Variants in TESK2 observed in about 807,000 individuals in gnomAD.
The protein encoded by TESK2 is testis associated actin remodelling kinase 2.
In TESK2, 39 loss-of-function variants were observed where a neutral mutation model predicts 57.1. That is an observed-to-expected ratio of 0.68 (90% CI 0.53 to 0.89). The LOEUF (loss-of-function observed/expected upper bound fraction) is 0.89, where lower values mean the gene tolerates loss of function less well. Among genes scored for constraint, TESK2 ranks in the 40% least tolerant of loss-of-function variants. The probability of loss-of-function intolerance (pLI) is 0.00; values close to 1 mark genes in which losing one functional copy is unlikely to be tolerated. For missense variants in TESK2, 646 were observed against 732.1 expected, an observed-to-expected ratio of 0.88 and a Z score of 1.36; for synonymous variants, 249 against 267.9, an observed-to-expected ratio of 0.93 and a Z score of 0.69.
chr1:45,478,864 C>A (rs1314839576), intron 1 of TESK2, among the ~76,000 whole-genome samples: 2 of 151,990 alleles, frequency 1.3e-5, no homozygotes, highest in Non-Finnish European at 2.9e-5. Flanking sequence ...GCTAGGATTA[C>A]AGATGCACAC....
intron 1 of TESK2, among the ~76,000 whole-genome samples, chr1:45,474,692 C>A (rs1257825074): frequency 1.3e-5 from 2 of 150,002 alleles, no homozygotes; most frequent in Non-Finnish European, 3.0e-5. Flanking sequence ...AGGCTAGTCT[C>A]GAACTCCTGA....
At position 45,367,753 on chromosome 1, in the gene TESK2, G is replaced by T. The variant is rs1327998942; in HGVS notation, c.394-12304C>A. The stretch of plus-strand genomic sequence containing the variant: ...GCTCACTGCAACCTCTGCCTCCCAG[G>T]TTCAAGCAATTCTCCTGCCTCAGCC... On this transcript the variant is annotated intron_variant, in intron 4 of 10. Transcript: ENST00000372086. 2.7e-5 allele frequency among the ~76,000 whole-genome samples: 4 copies of T among 150,410 alleles called. No individual in the cohort carries two copies. In the East Asian group the frequency reaches 7.8e-4, roughly 29 times the overall value.
intron 1 of TESK2, among the ~76,000 whole-genome samples, chr1:45,482,345 T>C (rs760302408): frequency 7.9e-5 from 12 of 151,826 alleles, no homozygotes; most frequent in African/African-American, 1.2e-4. Context: ...CACGGTAACA[T>C]AGTGAGACCA....
At position 45,347,613 on chromosome 1, in the gene TESK2, T is replaced by C; in HGVS notation, c.704A>G (p.Glu235Gly). Reference protein sequence around the residue: ...PEVLRDEPYNEKADVFSYGII... With the variant: ...PEVLRDEPYNGKADVFSYGII... ...CTTGAGATCCTCCAAACTTACCTTT[T>C]CATTATAGGGCTCATCTCGGAGAAC... is the stretch of plus-strand genomic sequence containing the variant. The change falls in exon 7 of 11, where the codon GAA (glutamate) becomes GGA (glycine). Residue 235 changes from glutamate (E) to glycine (G), a missense_variant. Transcript: ENST00000372086. 1 of 1,613,470 alleles carries C rather than the reference T, an allele frequency of 6.2e-7. No homozygotes were observed. The highest frequency in any genetic ancestry group is 1.1e-5 in the South Asian group (1 of 90,938).
intron 1 of TESK2, among the ~76,000 whole-genome samples, chr1:45,474,766 C>T (rs1652915502): frequency 6.6e-6 from 1 of 151,272 alleles, no homozygotes; most frequent in Non-Finnish European, 1.5e-5. Context: ...GTGTGAGCCA[C>T]CACACCTGGC....
chr1:45,394,186 T>C lies in TESK2; in HGVS notation c.345-8226A>G, dbSNP rs149997999. Among the ~76,000 whole-genome samples, 89 of 151,956 alleles carry C rather than the reference T, an allele frequency of 5.9e-4. No homozygotes were observed. The East Asian group carries it at 0.014, about 23-fold the overall frequency. On this transcript the variant is annotated intron_variant, in intron 3 of 10. Coordinates refer to ENST00000372086, the MANE Select transcript of TESK2 (RefSeq NM_007170.3). The stretch of plus-strand genomic sequence containing the variant: ...GACAAGGTCTTGCTCTGTCGCCCAG[T>C]CTGGAGTGCGGTGGCACAGTGCAAT...
intron 1 of TESK2, among the ~76,000 whole-genome samples, chr1:45,464,536 T>C (rs1570757056): frequency 1.3e-5 from 2 of 152,352 alleles, no homozygotes. Context: ...TGGGATTACC[T>C]TCCTGATTTC....
At chr1:45,443,962 T>C (rs1651549419) in intron 2 of TESK2, among the ~76,000 whole-genome samples, 1 of 152,114 alleles carries the variant, frequency 6.6e-6, no homozygotes. Context: ...GAGGATTGCT[T>C]GAGGCAGGAG....
chr1:45,407,582 T>C (rs1035902738), intron 3 of TESK2, among the ~76,000 whole-genome samples: 9 of 152,158 alleles, frequency 5.9e-5, no homozygotes, highest in African/African-American at 4.8e-5. Flanking sequence ...AATTGAATCA[T>C]GGGGACAGGT....
intron 3 of TESK2, among the ~76,000 whole-genome samples, chr1:45,388,088 C>A (rs1648975807): frequency 6.6e-6 from 1 of 152,012 alleles, no homozygotes; most frequent in Non-Finnish European, 1.5e-5. Flanking sequence ...TCATACAACT[C>A]CCCAATCACT....
chr1:45,472,922 G>A (rs1200960030), intron 1 of TESK2, among the ~76,000 whole-genome samples: 1 of 149,944 alleles, frequency 6.7e-6, no homozygotes, highest in Non-Finnish European at 1.5e-5. Context: ...CGGATCACAA[G>A]GTCAGGAGAT....
At chr1:45,466,528 A>G (rs1262040012) in intron 1 of TESK2, among the ~76,000 whole-genome samples, 2 of 151,992 alleles carry the variant, frequency 1.3e-5, no homozygotes, top group Non-Finnish European at 2.9e-5. Flanking sequence ...ATGCGCCTGT[A>G]GTCCCAGCTA....
chr1:45,437,745 T>G (rs1651290242), intron 2 of TESK2, among the ~76,000 whole-genome samples: 1 of 152,210 alleles, frequency 6.6e-6, no homozygotes, highest in Admixed American at 6.6e-5. Context: ...TTGAGAGTTT[T>G]TATCATAAAG....
chr1:45,475,738 A>G (rs1374250133), intron 1 of TESK2, among the ~76,000 whole-genome samples: 2 of 152,154 alleles, frequency 1.3e-5, no homozygotes, highest in South Asian at 2.1e-4. Context: ...CCCACCCTCA[A>G]TCTGGGTGGG....
chr1:45,386,107 G>A, intron 3 of TESK2, 147 bp from the exon 4 acceptor site: 1 of 542,646 alleles, frequency 1.8e-6, no homozygotes, highest in South Asian at 2.2e-5. Context: ...CACTTTAGGA[G>A]GCAGAGGTGT....
intron 2 of TESK2, among the ~76,000 whole-genome samples, chr1:45,438,726 CTA>C (rs1365887254): frequency 6.6e-6 from 1 of 152,124 alleles, no homozygotes; most frequent in African/African-American, 2.4e-5. Flanking sequence ...TTCTTCCCCT[CTA>C]TGTGTCCATG....
chr1:45,355,357 C>A lies in TESK2; in HGVS notation c.486G>T (p.Val162=). ...CTTTGAAGTGAAGGTAGCTGAGGCC[C>A]ACTGCTATGTCATAGGCCAGTTTTA... ...VRVKLAYDIA[V]GLSYLHFKGI... Residue 162 remains valine, a synonymous_variant, in exon 5 of 11, where the codon GTG becomes GTT. Coordinates refer to ENST00000372086, the MANE Select transcript of TESK2 (RefSeq NM_007170.3). 1.2e-6 allele frequency: 2 copies of A among 1,613,882 alleles called. No individual in the cohort carries two copies. Among genetic ancestry groups the A allele is most frequent in the African/African-American group, 2.7e-5 (2 of 75,008 alleles).
chr1:45,456,230 T>C (rs1570749157), intron 2 of TESK2, among the ~76,000 whole-genome samples: 1 of 149,944 alleles, frequency 6.7e-6, no homozygotes, highest in East Asian at 2.0e-4. Flanking sequence ...AATAATAGAA[T>C]AAAATAGGTT....
intron 4 of TESK2, among the ~76,000 whole-genome samples, chr1:45,358,513 A>T (rs1647539717): frequency 6.6e-6 from 1 of 152,188 alleles, no homozygotes; most frequent in Non-Finnish European, 1.5e-5. Context: ...TTTATAAATA[A>T]TAATAGCAGC....
Sources: gnomAD v4.1 joint callset for allele counts (sites outside exome capture counted in the v4.1 genomes callset) on GRCh38, gnomAD v4.1.1 for gene constraint, MANE v1.5 for transcripts, NCBI Gene and HGNC (gene_info 2026-07-23, HGNC 2026-07-21) for gene names.